Variants in CYP24A1 observed in about 807,000 individuals in gnomAD.
CYP24A1 encodes 1,25-dihydroxyvitamin D(3) 24-hydroxylase, mitochondrial.
In CYP24A1, 68 loss-of-function variants were observed where a neutral mutation model predicts 62.4. The ratio of observed to expected loss-of-function variants is 1.09; its 90% CI spans 0.90 to 1.33. The LOEUF is 1.33. CYP24A1 is among the 40% of genes most tolerant of loss of function. The probability of loss-of-function intolerance (pLI) is 0.00; values close to 1 mark genes in which losing one functional copy is unlikely to be tolerated. For synonymous variants in CYP24A1, 267 were observed against 253.0 expected (o/e 1.06, Z -0.52); for missense variants, 787 against 653.0 (o/e 1.21, Z -2.24).
rs1166936793 is a variant in CYP24A1, at chr20:54,162,749, C to G, written c.958G>C (p.Val320Leu). The change falls in exon 7 of 12, where the codon GTC becomes CTC. Residue 320 changes from valine (V) to leucine (L), a missense_variant. By Grantham distance (32) the Val-to-Leu change is conservative. Transcript: ENST00000216862. Reference protein sequence around the residue: ...RLSKKELYAAVTELQLAAVET... With the variant: ...RLSKKELYAALTELQLAAVET... ...ACCGCAGCCAGCTGGAGCTCTGTGA[C>G]AGCAGCATACAATTCTTTCTTTGAA... The G allele has an allele frequency of 6.3e-7, 1 of 1,599,804 alleles. No individual in the cohort carries two copies. Among genetic ancestry groups the G allele is most frequent in the Admixed American group, 1.7e-5 (1 of 59,952 alleles).
chr20:54,158,316 T>C (rs1025072641), intron 8 of CYP24A1, 152 bp from the exon 9 acceptor site: 1 of 1,451,060 alleles, frequency 6.9e-7, no homozygotes, highest in Admixed American at 2.1e-5. Context: ...AAGTTGTTTT[T>C]TTCTTCTCAA....
downstream of CYP24A1, among the ~76,000 whole-genome samples, chr20:54,152,116 G>T (rs559455682): frequency 6.6e-6 from 1 of 152,292 alleles, no homozygotes; most frequent in African/African-American, 2.4e-5. Flanking sequence ...CCCATTTGCC[G>T]GTCTTTGTGC....
Position 54,173,446 on chromosome 20 carries a change from G to C in CYP24A1, c.134C>G (p.Pro45Arg). 1.3e-6 allele frequency: 2 copies of C among 1,568,194 alleles called. No homozygotes were observed. Among genetic ancestry groups the C allele is most frequent in the Non-Finnish European group, 1.7e-6 (2 of 1,156,300 alleles). ...CTGAGTCTCGCCACCAGCTGTCAGC[G>C]GGCAGACTGGCACCTCTCGCGGCTG... Reference protein sequence around the residue: ...SPQPREVPVCPLTAGGETQNA... With the variant: ...SPQPREVPVCRLTAGGETQNA... The change falls in exon 1 of 12, where the codon CCG becomes CGG. Residue 45 changes from proline (P) to arginine (R), a missense_variant. By Grantham distance (103) the Pro-to-Arg change is moderately radical (BLOSUM62 -2). Coordinates refer to ENST00000216862, the MANE Select transcript of CYP24A1 (RefSeq NM_000782.5). The surrounding 1 kb of genome is among the most constrained non-coding windows in gnomAD (Gnocchi z 7.2).
At chr20:54,151,918 G>A (rs1028697097), downstream of CYP24A1, among the ~76,000 whole-genome samples, 17 of 152,118 alleles carry the variant, frequency 1.1e-4, no homozygotes, top group Admixed American at 5.9e-4. Flanking sequence ...TACTTACAGG[G>A]CAGTGACAAG....
chr20:54,169,739 A>G (rs751105949), intron 3 of CYP24A1, 51 bp from the exon 4 acceptor site: 2 of 1,611,612 alleles, frequency 1.2e-6, no homozygotes, highest in Middle Eastern at 3.3e-4. Flanking sequence ...TTGAAGGAAA[A>G]CAAAACTTTA....
At chr20:54,164,649 G>A (rs1339104577) in intron 5 of CYP24A1, 86 bp from the exon 6 acceptor site, 14 of 1,606,986 alleles carry the variant, frequency 8.7e-6, no homozygotes, top group South Asian at 2.2e-5. Context: ...ATTCTAAACC[G>A]CAGCACCCTG....
intron 11 of CYP24A1, among the ~76,000 whole-genome samples, 193 bp downstream of exon 11, chr20:54,156,976 C>A (rs1170441966): frequency 2.6e-5 from 4 of 151,868 alleles, no homozygotes; most frequent in Non-Finnish European, 5.9e-5. Context: ...TTTTGTGATA[C>A]ACTCTCTTTG....
intron 4 of CYP24A1, among the ~76,000 whole-genome samples, chr20:54,166,713 T>C (rs1360187572): frequency 9.2e-5 from 14 of 151,968 alleles, no homozygotes; most frequent in Admixed American, 7.2e-4. Flanking sequence ...CTAAAAATTA[T>C]CTCTTGTAAC....
rs1430575207 is a variant in CYP24A1 at position 54,157,595 on chromosome 20, T to G, written c.1237-10A>C. The G allele has an allele frequency of 6.9e-7, 1 of 1,458,572 alleles. No individual in the cohort carries two copies. The allele number at this position is 1,458,572 out of a possible 1,614,324, so 90.4% of individuals were successfully genotyped here. A position where few individuals can be genotyped will look rare whatever the true frequency, so the allele number is the denominator to read the frequency against. ...TTAGCATGAGCACTGTCTAAACACA[T>G]GCAGAGACACATAGTATTTAAAATA... On this transcript the variant is annotated splice_polypyrimidine_tract_variant and intron_variant, in intron 9 of 11. Coordinates refer to ENST00000216862, the MANE Select transcript of CYP24A1 (RefSeq NM_000782.5).
At position 54,164,570 on chromosome 20, in the gene CYP24A1, G is replaced by C; in HGVS notation, c.733-7C>G. 6.2e-7 allele frequency: 1 copy of C among 1,614,172 alleles called. No individual in the cohort carries two copies. The highest frequency in any genetic ancestry group is 8.5e-7 in the Non-Finnish European group (1 of 1,180,004). ...TCCCAAACGTGCTCATCATCTGAGA[G>C]AAATGCAAATGCCTTTTTATTCTGA... On this transcript the variant is annotated splice_polypyrimidine_tract_variant and splice_region_variant and intron_variant, in intron 5 of 11. Transcript: ENST00000216862.
rs1601123627 is a variant in CYP24A1, at chr20:54,157,025, AG to A, written c.*10+143del. The A allele has an allele frequency of 1.9e-5, 12 of 619,166 alleles. No individual in the cohort carries two copies. In the East Asian group the frequency reaches 3.3e-4, roughly 17 times the overall value. 38.4% of individuals were successfully genotyped at this position (619,166 alleles called of 1,614,324 possible). A position where few individuals can be genotyped will look rare whatever the true frequency, so the allele number is the denominator to read the frequency against. ...CAAATGAAAAAAAAAAAGGAAGTAG[AG>A]AGTTTAGGGAACTGCTCAAGGTCAC... On this transcript the variant is annotated intron_variant, in intron 11 of 11. Transcript: ENST00000216862.
At chr20:54,170,340 C>G (rs1166763709) in intron 3 of CYP24A1, among the ~76,000 whole-genome samples, 1 of 152,080 alleles carries the variant, frequency 6.6e-6, no homozygotes, top group Non-Finnish European at 1.5e-5. Flanking sequence ...CCTCTGACAA[C>G]CAAGTAGTAG....
At chr20:54,166,693 C>T (rs932928340) in intron 4 of CYP24A1, among the ~76,000 whole-genome samples, 1 of 151,962 alleles carries the variant, frequency 6.6e-6, no homozygotes, top group Admixed American at 6.6e-5. Flanking sequence ...TTAAAATGTT[C>T]CCCATTGTCC....
chr20:54,154,710 A>C lies in CYP24A1; in HGVS notation c.*62T>G, dbSNP rs1027013068. Reference sequence around the variant, plus strand: ...AACCCTGTAGAATGCCTTGGATCCCAGCACTCAGTCCGCTTCCCTGAGTTG... The same window carrying C: ...AACCCTGTAGAATGCCTTGGATCCCCGCACTCAGTCCGCTTCCCTGAGTTG... On this transcript the variant is annotated 3_prime_UTR_variant, in exon 12 of 12. Transcript: ENST00000216862. The C allele has an allele frequency of 6.5e-6, 1 of 154,426 alleles. No homozygotes were observed. The highest frequency in any genetic ancestry group is 2.4e-5 in the African/African-American group (1 of 41,464). The allele number at this position is 154,426 out of a possible 1,614,324, so 9.6% of individuals were successfully genotyped here. A position where few individuals can be genotyped will look rare whatever the true frequency, so the allele number is the denominator to read the frequency against.
rs939841920 is a variant in CYP24A1, at chr20:54,153,819, A to G, written c.*953T>C. On this transcript the variant is annotated 3_prime_UTR_variant, in exon 12 of 12. Transcript: ENST00000216862. ...TATTTTTCCTAGGAGTTCAAATCAC[A>G]AAACAAATGTTATATAACAGATCTC... The G allele has an allele frequency of 6.5e-6, 1 of 152,680 alleles. No individual in the cohort carries two copies. The highest frequency in any genetic ancestry group is 2.4e-5 in the African/African-American group (1 of 41,478). The allele number at this position is 152,680 out of a possible 1,614,324, so 9.5% of individuals were successfully genotyped here. A position where few individuals can be genotyped will look rare whatever the true frequency, so the allele number is the denominator to read the frequency against.
intron 11 of CYP24A1, among the ~76,000 whole-genome samples, chr20:54,156,813 A>C (rs531502424): frequency 2.0e-5 from 3 of 152,364 alleles, no homozygotes; most frequent in Admixed American, 6.5e-5. Flanking sequence ...TGTATGGTCC[A>C]TAAAACCTAA....
intron 6 of CYP24A1, among the ~76,000 whole-genome samples, chr20:54,163,715 T>A (rs139870225): frequency 6.0e-4 from 92 of 152,332 alleles, no homozygotes; most frequent in Non-Finnish European, 1.2e-3. Flanking sequence ...ATAGATCTAG[T>A]CCACGGAGAT....
At chr20:54,151,317 A>C (rs1002673723), downstream of CYP24A1, among the ~76,000 whole-genome samples, 11 of 152,138 alleles carry the variant, frequency 7.2e-5, no homozygotes, top group Admixed American at 1.3e-4. Context: ...ATGTTAATAC[A>C]GGAAATTAAT....
In CYP24A1 at chr20:54,162,716, C is replaced by T. The variant is rs561627955; in HGVS notation, c.990+1G>A. On this transcript the variant is annotated splice_donor_variant, in intron 7 of 11. Coordinates refer to ENST00000216862, the MANE Select transcript of CYP24A1 (RefSeq NM_000782.5). LOFTEE classifies it high-confidence loss of function. ...CAAACTCAAATCCAGCCCACCCTTA[C>T]CGTTTCCACCGCAGCCAGCTGGAGC... 17 of 1,591,520 alleles carry T rather than the reference C, an allele frequency of 1.1e-5. No homozygotes were observed. The African/African-American group carries it at 2.0e-4, about 19-fold the overall frequency.
Sources: allele counts gnomAD v4.1 joint callset (sites outside exome capture counted in the v4.1 genomes callset), GRCh38; gene constraint gnomAD v4.1.1; non-coding constraint Gnocchi (gnomAD v3.1); transcripts MANE v1.5; gene names NCBI Gene and HGNC (gene_info 2026-07-23, HGNC 2026-07-21).